Variants in RPS6KA5 observed in about 807,000 individuals in gnomAD.
RPS6KA5 encodes the protein ribosomal protein S6 kinase A5, also known as ribosomal protein S6 kinase alpha-5.
Under a neutral mutation model 85.5 loss-of-function variants are expected in RPS6KA5, and 27 were observed. The observed-to-expected ratio is 0.32, with a 90% CI of 0.23 to 0.44. RPS6KA5 has a LOEUF of 0.44. Among genes scored for constraint, RPS6KA5 ranks in the 20% least tolerant of loss-of-function variants. RPS6KA5 has a pLI of 1.00. For synonymous variants in RPS6KA5, 334 were observed against 348.2 expected (o/e 0.96, Z 0.46); for missense variants, 811 against 980.9 (o/e 0.83, Z 2.31).
chr14:90,929,827 T>C (rs1366656551), intron 5 of RPS6KA5, among the ~76,000 whole-genome samples: 2 of 152,146 alleles, frequency 1.3e-5, no homozygotes, highest in African/African-American at 2.4e-5. Flanking sequence ...AGGAAAAAGA[T>C]CTCACCTTTT....
intron 14 of RPS6KA5, among the ~76,000 whole-genome samples, chr14:90,887,217 T>G (rs1251096904): frequency 6.6e-6 from 1 of 152,224 alleles, no homozygotes; most frequent in Non-Finnish European, 1.5e-5. Flanking sequence ...GGTCTTGCTC[T>G]GTCACCCACT....
At chr14:91,051,049 G>A (rs1370621488) in intron 1 of RPS6KA5, among the ~76,000 whole-genome samples, 5 of 151,988 alleles carry the variant, frequency 3.3e-5, no homozygotes, top group East Asian at 3.9e-4. Context: ...CCAACATAGC[G>A]AAACCCCACC....
In RPS6KA5 at chr14:91,001,098, T is replaced by C. The variant is rs2040770365; in HGVS notation, c.165A>G (p.Leu55=). Residue 55 remains leucine (L), a synonymous_variant, in exon 2 of 17, where the codon CTA becomes CTG. Transcript: ENST00000614987. Reference sequence around the variant, plus strand: ...TAACTTAAGACTTACCTCCAGTTCCTAGGACCTTCAGGAGCTCAAAATTTT... The same window carrying C: ...TAACTTAAGACTTACCTCCAGTTCCCAGGACCTTCAGGAGCTCAAAATTTT... The part of the protein sequence containing the change: ...GIENFELLKV[L]GTGAYGKVFL... 1.9e-6 allele frequency: 3 copies of C among 1,583,976 alleles called. No individual in the cohort carries two copies. The highest frequency in any genetic ancestry group is 3.5e-5 in the Admixed American group (2 of 57,832).
chr14:90,877,095 A>C (rs976541092), intron 14 of RPS6KA5, among the ~76,000 whole-genome samples: 2 of 152,204 alleles, frequency 1.3e-5, no homozygotes, highest in African/African-American at 4.8e-5. Flanking sequence ...ATGCAGCAGG[A>C]AGAGAAACTT....
At chr14:90,998,383 A>G (rs920811831) in intron 2 of RPS6KA5, among the ~76,000 whole-genome samples, 1 of 152,246 alleles carries the variant, frequency 6.6e-6, no homozygotes, top group African/African-American at 2.4e-5. Context: ...ATATCTCAAT[A>G]AAGTTGTTAC....
In RPS6KA5 at chr14:91,035,875, AAAAAAAC is replaced by A. The variant is rs1434849356; in HGVS notation, c.103+24450_103+24456del. On this transcript the variant is annotated intron_variant, in intron 1 of 16. Coordinates refer to ENST00000614987, the MANE Select transcript of RPS6KA5 (RefSeq NM_004755.4). Reference sequence around the variant, plus strand: ...AAAAAAAAAAAAAAAAAAAAAAAAAAAAAAAACCCCAAAGCTGAAGAATATGGTAATA... The same window carrying A: ...AAAAAAAAAAAAAAAAAAAAAAAAAACCCAAAGCTGAAGAATATGGTAATA... 1.6e-3 allele frequency among the ~76,000 whole-genome samples: 182 copies of A among 117,354 alleles called. 1 individual carries two copies. Among genetic ancestry groups the A allele is most frequent in the African/African-American group, 6.0e-3 (168 of 27,868 alleles). 77.0% of individuals were successfully genotyped at this position (117,354 alleles called of 152,430 possible). A position where few individuals can be genotyped will look rare whatever the true frequency, so the allele number is the denominator to read the frequency against.
chr14:91,017,255 T>A (rs892161903), intron 1 of RPS6KA5, among the ~76,000 whole-genome samples: 6 of 152,224 alleles, frequency 3.9e-5, no homozygotes, highest in Admixed American at 2.0e-4. Context: ...ACTGCTTTTA[T>A]CATGGAAGGG....
intron 1 of RPS6KA5, among the ~76,000 whole-genome samples, chr14:91,057,730 T>C (rs539722953): frequency 9.2e-5 from 14 of 152,334 alleles, no homozygotes; most frequent in East Asian, 5.8e-4. Context: ...GATAAGATAC[T>C]ATTATGGAAT....
At chr14:90,958,613 TAA>T (rs2038644203) in intron 3 of RPS6KA5, among the ~76,000 whole-genome samples, 1 of 152,140 alleles carries the variant, frequency 6.6e-6, no homozygotes, top group South Asian at 2.1e-4. Context: ...ATCTGTGTTT[TAA>T]AAGAATATAT....
intron 1 of RPS6KA5, among the ~76,000 whole-genome samples, chr14:91,050,691 A>T (rs552872033): frequency 6.6e-6 from 1 of 152,182 alleles, no homozygotes; most frequent in African/African-American, 2.4e-5. Flanking sequence ...AGCCTCCCAA[A>T]GTGCTGGGAT....
rs2032911338 is a variant in RPS6KA5 at position 90,868,624 on chromosome 14, CA to C, written c.*3449del. The C allele has an allele frequency of 6.6e-6, 1 of 152,090 alleles. No homozygotes were observed. Among genetic ancestry groups the C allele is most frequent in the South Asian group, 2.1e-4 (1 of 4,826 alleles). The allele number at this position is 152,090 out of a possible 1,614,324, so 9.4% of individuals were successfully genotyped here. A position where few individuals can be genotyped will look rare whatever the true frequency, so the allele number is the denominator to read the frequency against. ...CAAAGTAATCAGGCAGTCTAAGGCA[CA>C]TATAGACCCAATAATTTAGAAATTT... On this transcript the variant is annotated 3_prime_UTR_variant, in exon 17 of 17. Transcript: ENST00000614987.
intron 1 of RPS6KA5, chr14:91,052,427 C>G (rs1456332626): frequency 3.0e-6 from 1 of 335,802 alleles, no homozygotes; most frequent in African/African-American, 2.4e-5. Context: ...GAGATCAGCA[C>G]CACACTCCAG....
intron 12 of RPS6KA5, among the ~76,000 whole-genome samples, chr14:90,897,012 G>C (rs10150820): frequency 0.21 from 31,603 of 152,074 alleles, 3,486 homozygotes; most frequent in East Asian, 0.34. Context: ...CATGAGCCAG[G>C]TCCGCAACTT....
chr14:91,032,006 T>C (rs925586824), intron 1 of RPS6KA5, among the ~76,000 whole-genome samples: 2 of 152,200 alleles, frequency 1.3e-5, no homozygotes, highest in Non-Finnish European at 1.5e-5. Flanking sequence ...AAACAAAGAA[T>C]ATTTATTGAG....
chr14:91,002,556 C>T (rs924793997), intron 1 of RPS6KA5, among the ~76,000 whole-genome samples: 1 of 152,054 alleles, frequency 6.6e-6, no homozygotes, highest in South Asian at 2.1e-4. Flanking sequence ...GAAAATAAAA[C>T]TCAACTAACA....
intron 3 of RPS6KA5, among the ~76,000 whole-genome samples, chr14:90,961,353 T>C (rs1216042235): frequency 6.6e-6 from 1 of 152,212 alleles, no homozygotes; most frequent in East Asian, 1.9e-4. Flanking sequence ...ATGATGAACG[T>C]GTCTGACTCT....
chr14:90,911,808 T>C (rs907214108), intron 7 of RPS6KA5, among the ~76,000 whole-genome samples: 2 of 152,224 alleles, frequency 1.3e-5, no homozygotes, highest in African/African-American at 4.8e-5. Context: ...ATAGTATATG[T>C]CTCTGCGTGT....
At chr14:90,961,251 A>G (rs1297776) in intron 3 of RPS6KA5, among the ~76,000 whole-genome samples, 98,193 of 152,134 alleles carry the variant, frequency 0.65, 33,007 homozygotes, top group East Asian at 0.87. Flanking sequence ...CATAATCCCC[A>G]GAGAAAATAG....
chr14:91,007,626 C>A lies in RPS6KA5; in HGVS notation c.104-6467G>T, dbSNP rs2041078263. Reference sequence around the variant, plus strand: ...TTTTTCCATGAATTTTGTGAAATCCCCTCACAGGTACCTTTTCACATTCCC... The same window carrying A: ...TTTTTCCATGAATTTTGTGAAATCCACTCACAGGTACCTTTTCACATTCCC... On this transcript the variant is annotated intron_variant, in intron 1 of 16. Transcript: ENST00000614987. Among the ~76,000 whole-genome samples the A allele has an allele frequency of 3.3e-5, 5 of 152,020 alleles. No individual in the cohort carries two copies. In the South Asian group the frequency reaches 1.0e-3, roughly 32 times the overall value.
Sources: gnomAD v4.1 joint callset for allele counts (sites outside exome capture counted in the v4.1 genomes callset) on GRCh38, gnomAD v4.1.1 for gene constraint, MANE v1.5 for transcripts, NCBI Gene and HGNC (gene_info 2026-07-23, HGNC 2026-07-21) for gene names.